The following NLGN1 variants were observed in gnomAD, a reference collection of about 807,000 sequenced individuals.
The protein encoded by NLGN1 is neuroligin 1.
NLGN1 carries 12 observed loss-of-function variants against 65.5 expected under a neutral mutation model. The ratio of observed to expected loss-of-function variants is 0.18; its 90% CI spans 0.12 to 0.30. The LOEUF (loss-of-function observed/expected upper bound fraction) is 0.30, where lower values mean the gene tolerates loss of function less well. NLGN1 is among the 10% of genes least tolerant of loss of function. The probability of loss-of-function intolerance (pLI) is 1.00; values close to 1 mark genes in which losing one functional copy is unlikely to be tolerated. For synonymous variants in NLGN1, 350 were observed against 359.5 expected (o/e 0.97, Z 0.30); for missense variants, 750 against 1,007.1 (o/e 0.74, Z 3.46).
At chr3:174,044,830 G>A (rs770045426) in intron 4 of NLGN1, among the ~76,000 whole-genome samples, 13 of 152,078 alleles carry the variant, frequency 8.5e-5, no homozygotes, top group South Asian at 4.1e-4. Flanking sequence ...AGTTACCCCC[G>A]TGCTGCTCTT....
intron 3 of NLGN1, among the ~76,000 whole-genome samples, chr3:173,752,649 T>C (rs1035549617): frequency 3.3e-5 from 5 of 152,110 alleles, no homozygotes; most frequent in Admixed American, 2.0e-4. Flanking sequence ...TGGAACTTGA[T>C]TGTCTCCTTC....
At chr3:173,704,617 A>C (rs1767761178) in intron 3 of NLGN1, among the ~76,000 whole-genome samples, 1 of 152,128 alleles carries the variant, frequency 6.6e-6, no homozygotes, top group Non-Finnish European at 1.5e-5. Context: ...ATAGTAGAAA[A>C]AATTGGCTGG....
chr3:173,990,894 A>G (rs1413507526), intron 4 of NLGN1, among the ~76,000 whole-genome samples: 4 of 152,272 alleles, frequency 2.6e-5, no homozygotes, highest in African/African-American at 9.6e-5. Flanking sequence ...TTTTCTAAAC[A>G]TTTTAATAAA....
intron 2 of NLGN1, among the ~76,000 whole-genome samples, chr3:173,548,244 T>C (rs1352681779): frequency 2.6e-5 from 4 of 152,276 alleles, no homozygotes; most frequent in East Asian, 1.9e-4. Flanking sequence ...TGTAAATCTA[T>C]TGTGCTTCTC....
At chr3:173,833,708 G>C (rs372510638) in intron 4 of NLGN1, among the ~76,000 whole-genome samples, 5 of 152,012 alleles carry the variant, frequency 3.3e-5, no homozygotes, top group African/African-American at 1.2e-4. Flanking sequence ...TGTAGAGATG[G>C]AGTTTTGCCA....
At chr3:173,812,788 T>C (rs1335413200) in intron 4 of NLGN1, among the ~76,000 whole-genome samples, 1 of 146,610 alleles carries the variant, frequency 6.8e-6, no homozygotes, top group Non-Finnish European at 1.5e-5. Flanking sequence ...TGTATATATA[T>C]ATGTATTTTT....
intron 3 of NLGN1, among the ~76,000 whole-genome samples, chr3:173,678,508 C>T (rs544664398): frequency 1.3e-5 from 2 of 152,104 alleles, no homozygotes; most frequent in East Asian, 3.9e-4. Context: ...TAGGAATTAA[C>T]AGGTGGAAAG....
intron 4 of NLGN1, among the ~76,000 whole-genome samples, chr3:173,835,580 T>TACACACACACACACACACAC (rs57183549): frequency 1.2e-4 from 18 of 146,494 alleles, no homozygotes; most frequent in South Asian, 6.6e-4. Context: ...TTCAAACACA[T>TACACACACACACACACACAC]ACACACACAC....
At chr3:174,022,752 T>C (rs1370338389) in intron 4 of NLGN1, among the ~76,000 whole-genome samples, 1 of 152,134 alleles carries the variant, frequency 6.6e-6, no homozygotes, top group Non-Finnish European at 1.5e-5. Flanking sequence ...GGGGTATCTT[T>C]TGTCCTTGGT....
chr3:173,925,674 G>A (rs1206941099), intron 4 of NLGN1, among the ~76,000 whole-genome samples: 2 of 152,116 alleles, frequency 1.3e-5, no homozygotes, highest in African/African-American at 4.8e-5. Flanking sequence ...CAGAGTAGGG[G>A]AAGATAAGAT....
At chr3:173,556,895 A>G (rs1333082890) in intron 2 of NLGN1, among the ~76,000 whole-genome samples, 1 of 152,144 alleles carries the variant, frequency 6.6e-6, no homozygotes, top group African/African-American at 2.4e-5. Flanking sequence ...AGTTATTGAA[A>G]CTTATTTTTT....
In NLGN1 at chr3:174,194,465, A is replaced by AGAAAAAAAAG. The variant is rs1491515427; in HGVS notation, c.647-80849_647-80840dup. On this transcript the variant is annotated intron_variant, in intron 4 of 6. Transcript: ENST00000457714. ...TCCGTCTCAAAAAAAAAAAAGAAAAAGAAAAAAAAGAAACAATCTCCATCA... is the reference window on the plus strand; with the variant it reads ...TCCGTCTCAAAAAAAAAAAAGAAAAAGAAAAAAAAGGAAAAAAAAGAAACAATCTCCATCA... Among the ~76,000 whole-genome samples the AGAAAAAAAAG allele has an allele frequency of 7.9e-5, 12 of 151,976 alleles. No homozygotes were observed. In the East Asian group the frequency reaches 2.3e-3, roughly 29 times the overall value.
intron 4 of NLGN1, among the ~76,000 whole-genome samples, chr3:174,028,936 T>A (rs1008754715): frequency 3.3e-5 from 5 of 152,052 alleles, no homozygotes; most frequent in African/African-American, 1.2e-4. Context: ...ATCCCAGCCA[T>A]GGCTAAAAGG....
At chr3:174,046,149 T>C (rs1208560558) in intron 4 of NLGN1, among the ~76,000 whole-genome samples, 3 of 152,196 alleles carry the variant, frequency 2.0e-5, no homozygotes, top group African/African-American at 4.8e-5. Context: ...TGCAAGAGCA[T>C]GTAAAAAATT....
intron 2 of NLGN1, among the ~76,000 whole-genome samples, chr3:173,478,475 G>T (rs1726648700): frequency 6.6e-6 from 1 of 152,080 alleles, no homozygotes; most frequent in African/African-American, 2.4e-5. Context: ...TACATTGATA[G>T]GTGCAGCAAA....
chr3:173,489,104 C>CT (rs2148999798), intron 2 of NLGN1, among the ~76,000 whole-genome samples: 1 of 150,868 alleles, frequency 6.6e-6, no homozygotes, highest in African/African-American at 2.4e-5. Flanking sequence ...TATTATTATA[C>CT]TTTAAGTTCC....
chr3:173,924,396 T>C (rs1035842583), intron 4 of NLGN1, among the ~76,000 whole-genome samples: 3 of 152,028 alleles, frequency 2.0e-5, no homozygotes, highest in African/African-American at 4.8e-5. Flanking sequence ...AAAGAAACAA[T>C]GCAAAATCTT....
intron 1 of NLGN1, among the ~76,000 whole-genome samples, chr3:173,415,904 T>TATATATATAGAG (rs1380777305): frequency 8.0e-6 from 1 of 125,440 alleles, no homozygotes; most frequent in African/African-American, 3.3e-5. Context: ...TATATATATA[T>TATATATATAGAG]AGAGAGAGAG....
At chr3:174,095,694 A>G (rs972497117) in intron 4 of NLGN1, among the ~76,000 whole-genome samples, 1 of 152,016 alleles carries the variant, frequency 6.6e-6, no homozygotes, top group African/African-American at 2.4e-5. Context: ...ACATTTTACT[A>G]TATATATTAC....
Sources: allele counts gnomAD v4.1 joint callset (sites outside exome capture counted in the v4.1 genomes callset), GRCh38; gene constraint gnomAD v4.1.1; transcripts MANE v1.5; gene names NCBI Gene and HGNC (gene_info 2026-07-23, HGNC 2026-07-21).